Variants in TNRC18 observed in about 807,000 individuals in gnomAD.
The protein encoded by TNRC18 is trinucleotide repeat-containing gene 18 protein.
TNRC18 carries 69 observed loss-of-function variants against 226.7 expected under a neutral mutation model. The observed-to-expected ratio is 0.30, with a 90% CI of 0.25 to 0.37. The LOEUF is 0.37. Ranked by LOEUF, TNRC18 falls within the 10% of genes least tolerant of loss-of-function variation. The pLI is 1.00. For synonymous variants in TNRC18, 2,449 were observed against 1,927.6 expected, an observed-to-expected ratio of 1.27 and a Z score of -7.09; for missense variants, 4,754 against 4,256.6, an observed-to-expected ratio of 1.12 and a Z score of -3.25.
Position 5,357,112 on chromosome 7 carries a change from C to T in TNRC18, c.4998G>A (p.Leu1666=), listed in dbSNP as rs1393032552. Residue 1666 remains leucine (L), a synonymous_variant, in exon 16 of 30, where the codon TTG becomes TTA. Coordinates refer to ENST00000430969, the MANE Select transcript of TNRC18 (RefSeq NM_001080495.3). ...SKTSGGCGRY[L]TPYDSLLGKN... Reference sequence around the variant, plus strand: ...TCCCCAGCAGGCTGTCGTAAGGAGTCAAGTACCTGCCGCAGCCCCCGCTAG... The same window carrying T: ...TCCCCAGCAGGCTGTCGTAAGGAGTTAAGTACCTGCCGCAGCCCCCGCTAG... 6.4e-7 allele frequency: 1 copy of T among 1,553,032 alleles called. No homozygotes were observed. The highest frequency in any genetic ancestry group is 8.7e-7 in the Non-Finnish European group (1 of 1,147,626).
intron 11 of TNRC18, among the ~76,000 whole-genome samples, chr7:5,368,998 G>A (rs1793901127): frequency 6.6e-6 from 1 of 152,136 alleles, no homozygotes; most frequent in Non-Finnish European, 1.5e-5. Context: ...CAGATCAAAG[G>A]ACAGGTAATG....
chr7:5,346,369 C>T lies in TNRC18; in HGVS notation c.5471-559G>A, dbSNP rs184580593. On this transcript the variant is annotated intron_variant, in intron 17 of 29. Coordinates refer to ENST00000430969, the MANE Select transcript of TNRC18 (RefSeq NM_001080495.3). ...GGCCAGGGGACCCCCATGGTTTCAG[C>T]CCCGAGAAGGGATCTGGAGTCTAGA... 1.8e-3 allele frequency among the ~76,000 whole-genome samples: 269 copies of T among 152,290 alleles called. 1 individual carries two copies. The highest frequency in any genetic ancestry group is 6.2e-3 in the African/African-American group (258 of 41,560).
intron 10 of TNRC18, among the ~76,000 whole-genome samples, chr7:5,372,776 A>T (rs546649825): frequency 4.3e-4 from 65 of 152,264 alleles, no homozygotes; most frequent in African/African-American, 1.5e-3. Context: ...CAATCCCAGC[A>T]GTTCGGGAGG....
chr7:5,421,034 G>C, intron 2 of TNRC18, 26 bp downstream of exon 2: 1 of 1,534,352 alleles, frequency 6.5e-7, no homozygotes, highest in Non-Finnish European at 8.8e-7. Flanking sequence ...AGACAGGAGG[G>C]GACGGGCACG....
In TNRC18 at chr7:5,351,922, T is replaced by A; in HGVS notation, c.5367A>T (p.Lys1789Asn). Reference protein sequence around the residue: ...KRGLAAPRTLKPKPATSRKQP... With the variant: ...KRGLAAPRTLNPKPATSRKQP... ...GCTTCCTGCTGGTGGCCGGCTTGGG[T>A]TTCAGAGTCCGGGGGGCCGCCAGGC... is the stretch of plus-strand genomic sequence containing the variant. Residue 1789 changes from lysine to asparagine, a missense_variant, in exon 17 of 30, where the codon AAA becomes AAT. By Grantham distance (94) the Lys-to-Asn change is moderately conservative. Coordinates refer to ENST00000430969, the MANE Select transcript of TNRC18 (RefSeq NM_001080495.3). 6.2e-7 allele frequency: 1 copy of A among 1,613,576 alleles called. No individual in the cohort carries two copies. Among genetic ancestry groups the A allele is most frequent in the South Asian group, 1.1e-5 (1 of 91,056 alleles).
rs534097721 is a variant in TNRC18, at chr7:5,351,964, G to A, written c.5325C>T (p.Pro1775=). The change falls in exon 17 of 30, where the codon CCC becomes CCT. Residue 1775 remains proline, a synonymous_variant. Transcript: ENST00000430969. ...CCGCCAGGCCCCTCTTGGTCAGCTT[G>A]GGGCCACCAGCTGCCTTGCTGTTCT... ...VAKNSKAAGG[P]KLTKRGLAAP... The A allele has an allele frequency of 1.2e-6, 2 of 1,613,940 alleles. No homozygotes were observed. The highest frequency in any genetic ancestry group is 1.7e-5 in the Admixed American group (1 of 60,012).
chr7:5,337,942 C>A (rs538866773), intron 18 of TNRC18, among the ~76,000 whole-genome samples: 1 of 152,090 alleles, frequency 6.6e-6, no homozygotes, highest in Non-Finnish European at 1.5e-5. Flanking sequence ...AAGATCACGC[C>A]ACTGCACTCC....
At chr7:5,362,106 G>T in intron 12 of TNRC18, 73 bp from the exon 13 acceptor site, 1 of 1,559,826 alleles carries the variant, frequency 6.4e-7, no homozygotes, top group Non-Finnish European at 8.7e-7. Context: ...CCCACCCAGG[G>T]GTGCCCCTGA....
intron 4 of TNRC18, 44 bp downstream of exon 4, chr7:5,390,441 C>G (rs746957343): frequency 6.2e-7 from 1 of 1,611,384 alleles, no homozygotes. Context: ...AGAAGCCTCT[C>G]AGAAGGCCCC....
chr7:5,412,433 G>A (rs1362025604), intron 2 of TNRC18, among the ~76,000 whole-genome samples: 3 of 151,904 alleles, frequency 2.0e-5, no homozygotes, highest in South Asian at 2.1e-4. Context: ...AAATTTAGCC[G>A]GGAGTGGTGG....
chr7:5,368,265 G>A (rs868665344), intron 11 of TNRC18, among the ~76,000 whole-genome samples: 2 of 150,534 alleles, frequency 1.3e-5, no homozygotes, highest in Non-Finnish European at 1.5e-5. Context: ...TCAAGAGTTC[G>A]CGACCAGCCT....
At position 5,312,497 on chromosome 7, in the gene TNRC18, G is replaced by C. The variant is rs762594078; in HGVS notation, c.8388+6C>G. On this transcript the variant is annotated splice_donor_region_variant and intron_variant, in intron 27 of 29. Coordinates refer to ENST00000430969, the MANE Select transcript of TNRC18 (RefSeq NM_001080495.3). This position sits in a 1 kb window ranked among gnomAD's most constrained non-coding sequence, Gnocchi z 6.3. Reference sequence around the variant, plus strand: ...CTCGGCCGTGCCCGGGCGCGAGCTTGCTCACCTGGGTGGGCTTGCCGAACC... The same window carrying C: ...CTCGGCCGTGCCCGGGCGCGAGCTTCCTCACCTGGGTGGGCTTGCCGAACC... 1 of 1,610,198 alleles carries C rather than the reference G, an allele frequency of 6.2e-7. No individual in the cohort carries two copies. The highest frequency in any genetic ancestry group is 1.1e-5 in the South Asian group (1 of 90,914).
intron 18 of TNRC18, among the ~76,000 whole-genome samples, chr7:5,334,716 C>T (rs1354721667): frequency 6.6e-6 from 1 of 152,036 alleles, no homozygotes; most frequent in African/African-American, 2.4e-5. Flanking sequence ...AGGTACCACC[C>T]CGTAACAGTC....
rs779113447 is a variant in TNRC18, at chr7:5,390,601, T to A, written c.371A>T (p.Tyr124Phe). Reference protein sequence around the residue: ...EGFSHLPSGLYPSYLHLNHLE... With the variant: ...EGFSHLPSGLFPSYLHLNHLE... ...GTGGTTCAGGTGGAGGTAGGATGGGTACAGCCCACTGGGCAGGTGGGAGAA... is the reference window on the plus strand; with the variant it reads ...GTGGTTCAGGTGGAGGTAGGATGGGAACAGCCCACTGGGCAGGTGGGAGAA... Residue 124 changes from tyrosine to phenylalanine, a missense_variant, in exon 4 of 30, where the codon TAC becomes TTC. Tyr to Phe is a conservative substitution (Grantham distance 22, BLOSUM62 3). Coordinates refer to ENST00000430969, the MANE Select transcript of TNRC18 (RefSeq NM_001080495.3). 2.9e-5 allele frequency: 46 copies of A among 1,603,700 alleles called. No homozygotes were observed. The highest frequency in any genetic ancestry group is 3.7e-5 in the Non-Finnish European group (43 of 1,175,202).
At chr7:5,320,709 C>A (rs1788263185) in intron 22 of TNRC18, 102 bp from the exon 23 acceptor site, 1 of 946,568 alleles carries the variant, frequency 1.1e-6, no homozygotes, top group Admixed American at 2.5e-5. Context: ...TGGGAGGTAA[C>A]ACCAGGACTC....
chr7:5,320,221 T>G (rs1008452716), intron 24 of TNRC18, 97 bp downstream of exon 24: 2 of 948,828 alleles, frequency 2.1e-6, no homozygotes, highest in African/African-American at 1.6e-5. Context: ...CCCACAAGTC[T>G]TTATTCTTAA....
intron 14 of TNRC18, among the ~76,000 whole-genome samples, chr7:5,360,979 G>A (rs1792977838): frequency 1.3e-5 from 2 of 152,070 alleles, no homozygotes; most frequent in African/African-American, 4.8e-5. Flanking sequence ...CCCTTTCCTT[G>A]ACGGGCCCCT....
At chr7:5,321,915 A>G (rs1471738830) in intron 21 of TNRC18, among the ~76,000 whole-genome samples, 3 of 150,458 alleles carry the variant, frequency 2.0e-5, no homozygotes, top group Non-Finnish European at 4.4e-5. Context: ...CCGGTGATCC[A>G]CCCTCCTCAG....
intron 15 of TNRC18, 96 bp downstream of exon 15, chr7:5,359,302 G>A (rs1792783292): frequency 7.7e-7 from 1 of 1,301,478 alleles, no homozygotes; most frequent in South Asian, 1.3e-5. Context: ...TTTCTGTACA[G>A]GAACAAAGGG....
Sources: allele counts gnomAD v4.1 joint callset (sites outside exome capture counted in the v4.1 genomes callset), GRCh38; gene constraint gnomAD v4.1.1; non-coding constraint Gnocchi (gnomAD v3.1); transcripts MANE v1.5; gene names NCBI Gene and HGNC (gene_info 2026-07-23, HGNC 2026-07-21).